Variants in MTG2 observed in about 807,000 individuals in gnomAD.
MTG2 encodes the protein mitochondrial ribosome-associated GTPase 2.
A neutral mutation model predicts 28.6 loss-of-function variants in MTG2; 23 were observed. That is an observed-to-expected ratio of 0.80 (90% CI 0.58 to 1.14). The LOEUF is 1.14. Among genes scored for constraint, MTG2 ranks in the 50% most tolerant of loss-of-function variants. MTG2 has a pLI of 0.00. For missense variants in MTG2, 539 were observed against 552.0 expected, an observed-to-expected ratio of 0.98 and a Z score of 0.24; for synonymous variants, 260 against 251.8, an observed-to-expected ratio of 1.03 and a Z score of -0.31.
Position 62,201,351 on chromosome 20 carries a change from T to C in MTG2, c.*274T>C. Reference sequence around the variant, plus strand: ...CTGATTAACACCCCTAATAAGGGGTTGGGGTGCCCATAACGGGGTGGCCCT... The same window carrying C: ...CTGATTAACACCCCTAATAAGGGGTCGGGGTGCCCATAACGGGGTGGCCCT... On this transcript the variant is annotated 3_prime_UTR_variant, in exon 7 of 7. Coordinates refer to ENST00000370823, the MANE Select transcript of MTG2 (RefSeq NM_015666.4). 2 of 480,788 alleles carry C rather than the reference T, an allele frequency of 4.2e-6. No individual in the cohort carries two copies. Among genetic ancestry groups the C allele is most frequent in the South Asian group, 5.5e-5 (2 of 36,370 alleles). The allele number at this position is 480,788 out of a possible 1,614,324, so 29.8% of individuals were successfully genotyped here. A position where few individuals can be genotyped will look rare whatever the true frequency, so the allele number is the denominator to read the frequency against.
In MTG2 at chr20:62,195,957, C is replaced by T; in HGVS notation, c.352+8C>T. Reference sequence around the variant, plus strand: ...GACACGTCATTCTGAGAGGCAGGTGCCCTGGGGCAGTGCAGCGGGGTTGAG... The same window carrying T: ...GACACGTCATTCTGAGAGGCAGGTGTCCTGGGGCAGTGCAGCGGGGTTGAG... On this transcript the variant is annotated splice_region_variant and intron_variant, in intron 3 of 6. Coordinates refer to ENST00000370823, the MANE Select transcript of MTG2 (RefSeq NM_015666.4). The T allele has an allele frequency of 6.2e-7, 1 of 1,613,592 alleles. No homozygotes were observed. Among genetic ancestry groups the T allele is most frequent in the Non-Finnish European group, 8.5e-7 (1 of 1,179,902 alleles).
At chr20:62,192,649 G>C (rs2057982392) in intron 1 of MTG2, among the ~76,000 whole-genome samples, 1 of 152,092 alleles carries the variant, frequency 6.6e-6, no homozygotes, top group African/African-American at 2.4e-5. Context: ...GGCCATCCAG[G>C]AGCCCACCAA....
intron 2 of MTG2, among the ~76,000 whole-genome samples, chr20:62,195,278 T>C (rs1391959931): frequency 1.3e-5 from 2 of 152,194 alleles, no homozygotes; most frequent in Non-Finnish European, 2.9e-5. Flanking sequence ...ATGAGCCCTG[T>C]TTTCATCAGG....
intron 1 of MTG2, among the ~76,000 whole-genome samples, chr20:62,184,920 G>T (rs935336230): frequency 1.3e-5 from 2 of 152,126 alleles, no homozygotes; most frequent in Non-Finnish European, 2.9e-5. Flanking sequence ...GACCAGCCTG[G>T]CCAACACGGT....
chr20:62,197,803 C>G, intron 3 of MTG2, 49 bp from the exon 4 acceptor site: 1 of 1,529,356 alleles, frequency 6.5e-7, no homozygotes, highest in African/African-American at 1.4e-5. Context: ...CAGCAATAGG[C>G]CATGGTTGTC....
At chr20:62,191,560 G>A (rs2057959897) in intron 1 of MTG2, among the ~76,000 whole-genome samples, 1 of 152,180 alleles carries the variant, frequency 6.6e-6, no homozygotes, top group Admixed American at 6.5e-5. Context: ...CCCCCCAAAG[G>A]AGGTGGCACC....
At chr20:62,186,426 A>C (rs775566489) in intron 1 of MTG2, among the ~76,000 whole-genome samples, 3 of 152,028 alleles carry the variant, frequency 2.0e-5, no homozygotes, top group Non-Finnish European at 4.4e-5. Context: ...ATTTTAATTT[A>C]CAGTTGTTTG....
chr20:62,193,179 T>C (rs1351460638), intron 1 of MTG2, among the ~76,000 whole-genome samples: 1 of 152,160 alleles, frequency 6.6e-6, no homozygotes, highest in Non-Finnish European at 1.5e-5. Context: ...AGATTTCATG[T>C]TTTAAATCCT....
intron 1 of MTG2, among the ~76,000 whole-genome samples, chr20:62,192,110 C>A (rs1323601376): frequency 6.6e-6 from 1 of 152,264 alleles, no homozygotes; most frequent in Non-Finnish European, 1.5e-5. Context: ...TTCAGTCTGA[C>A]CCTGCCGCGG....
In MTG2 at chr20:62,201,541, G is replaced by C. The variant is rs1466917298; in HGVS notation, c.*464G>C. On this transcript the variant is annotated 3_prime_UTR_variant, in exon 7 of 7. Coordinates refer to ENST00000370823, the MANE Select transcript of MTG2 (RefSeq NM_015666.4). ...AGAGAGACCTCTGGATCCACACTGG[G>C]GCTGCGTCTGGCCCGTTGTCCAGCA... is the stretch of plus-strand genomic sequence containing the variant. The C allele has an allele frequency of 6.4e-6, 1 of 156,022 alleles. No homozygotes were observed. Among genetic ancestry groups the C allele is most frequent in the Non-Finnish European group, 1.4e-5 (1 of 70,774 alleles). The allele number at this position is 156,022 out of a possible 1,614,324, so 9.7% of individuals were successfully genotyped here.
intron 6 of MTG2, 62 bp from the exon 7 acceptor site, chr20:62,200,621 A>G (rs2058149755): frequency 1.3e-6 from 2 of 1,510,160 alleles, no homozygotes; most frequent in Non-Finnish European, 1.8e-6. Flanking sequence ...TCGAGGTGGA[A>G]GGCGCTCTTG....
At chr20:62,191,056 C>A (rs1433442848) in intron 1 of MTG2, among the ~76,000 whole-genome samples, 2 of 152,054 alleles carry the variant, frequency 1.3e-5, no homozygotes, top group Admixed American at 1.3e-4. Context: ...TGCATGGAGG[C>A]CCGGTTTCTT....
Position 62,195,804 on chromosome 20 carries a change from A to C in MTG2, c.207A>C (p.Lys69Asn). ...GKKLLSEKKL[K>N]RYFVDYRRVL... The stretch of plus-strand genomic sequence containing the variant: ...TGGGATATTTGTGTTCTCTGTAGAA[A>C]AGGTACTTTGTGGACTATCGGAGAG... Residue 69 changes from lysine to asparagine, a missense_variant and splice_region_variant, in exon 3 of 7, where the codon AAA becomes AAC. Transcript: ENST00000370823. The C allele has an allele frequency of 6.2e-7, 1 of 1,614,166 alleles. No homozygotes were observed.
At chr20:62,199,590 G>A (rs560053577) in intron 6 of MTG2, among the ~76,000 whole-genome samples, 43 of 146,792 alleles carry the variant, frequency 2.9e-4, no homozygotes, top group African/African-American at 9.6e-4. Context: ...AGCTTGCAGT[G>A]AGCCGAGATC....
intron 1 of MTG2, among the ~76,000 whole-genome samples, chr20:62,190,327 C>G (rs768248543): frequency 1.3e-5 from 2 of 152,198 alleles, no homozygotes; most frequent in Non-Finnish European, 2.9e-5. Flanking sequence ...GCCAACTACG[C>G]AGTATTTTTT....
intron 1 of MTG2, among the ~76,000 whole-genome samples, chr20:62,184,987 G>A (rs983842792): frequency 1.3e-5 from 2 of 151,984 alleles, no homozygotes; most frequent in African/African-American, 2.4e-5. Flanking sequence ...GTGGGTGCAT[G>A]TAATCCCAGG....
At chr20:62,196,050 T>C (rs545558590) in intron 3 of MTG2, 101 bp downstream of exon 3, 17 of 1,432,850 alleles carry the variant, frequency 1.2e-5, no homozygotes, top group Admixed American at 8.2e-5. Flanking sequence ...CAGTGGCTTA[T>C]GCCTGTGATC....
intron 2 of MTG2, chr20:62,193,834 C>T (rs1039009767): frequency 2.3e-5 from 13 of 570,846 alleles, no homozygotes; most frequent in Non-Finnish European, 3.7e-5. Flanking sequence ...CTGGGAGAGG[C>T]GCTGCGTGCT....
intron 1 of MTG2, among the ~76,000 whole-genome samples, chr20:62,187,661 G>C (rs1319222326): frequency 6.6e-6 from 1 of 152,230 alleles, no homozygotes; most frequent in Non-Finnish European, 1.5e-5. Flanking sequence ...CCCTCTGGCT[G>C]TCTGTAAGGT....
Sources: gnomAD v4.1 joint callset for allele counts (sites outside exome capture counted in the v4.1 genomes callset) on GRCh38, gnomAD v4.1.1 for gene constraint, MANE v1.5 for transcripts, NCBI Gene and HGNC (gene_info 2026-07-23, HGNC 2026-07-21) for gene names.